Variants in PTPRS observed in about 807,000 individuals in gnomAD.
PTPRS encodes the protein receptor-type tyrosine-protein phosphatase S.
In PTPRS, 63 loss-of-function variants were observed where a neutral mutation model predicts 215.3. That is an observed-to-expected ratio of 0.29 (90% CI 0.24 to 0.36). The LOEUF (loss-of-function observed/expected upper bound fraction) is 0.36, where lower values mean the gene tolerates loss of function less well. PTPRS is among the 10% of genes least tolerant of loss of function. The pLI is 1.00. For missense variants in PTPRS, 2,258 were observed against 2,825.8 expected, an observed-to-expected ratio of 0.80 and a Z score of 4.56; for synonymous variants, 1,404 against 1,191.4, an observed-to-expected ratio of 1.18 and a Z score of -3.68.
Position 5,212,686 on chromosome 19 carries a change from A to C in PTPRS, c.4615-195T>G, listed in dbSNP as rs186563050. ...TGGAGAAACCTCGTCTCAACTAAAA[A>C]TACAAAATTAGCTAGGCATGGTGGT... On this transcript the variant is annotated intron_variant, in intron 30 of 37. Transcript: ENST00000262963. Among the ~76,000 whole-genome samples, 142 of 152,328 alleles carry C rather than the reference A, an allele frequency of 9.3e-4. 1 individual carries two copies. In the Middle Eastern group the frequency reaches 0.02, roughly 22 times the overall value.
At chr19:5,225,975 T>C in intron 16 of PTPRS, 131 bp from the exon 17 acceptor site, 1 of 715,410 alleles carries the variant, frequency 1.4e-6, no homozygotes. Context: ...GCACATGAGC[T>C]CATGCAGAGA....
chr19:5,267,546 C>A (rs1177902256), intron 4 of PTPRS, among the ~76,000 whole-genome samples: 5 of 151,770 alleles, frequency 3.3e-5, no homozygotes, highest in Admixed American at 1.3e-4. Flanking sequence ...AATCCCAGTT[C>A]CTTGGGAGGC....
chr19:5,219,808 T>G, intron 22 of PTPRS, 131 bp downstream of exon 22: 1 of 1,085,230 alleles, frequency 9.2e-7, no homozygotes, highest in Non-Finnish European at 1.3e-6. Context: ...CGCTCCCAAG[T>G]CTTCCCCTCT....
rs778759270 is a variant in PTPRS, at chr19:5,219,387, C to T, written c.3846G>A (p.Gly1282=). Residue 1282 remains glycine, a synonymous_variant, in exon 23 of 38, where the codon GGG becomes GGA. Coordinates refer to ENST00000262963, the MANE Select transcript of PTPRS (RefSeq NM_002850.4). ...GCACAGGCCCGATCACCCAGATAAG[C>T]CCCTCCTCGCCATCCACGATGGGCT... ...DPQPIVDGEE[G]LIWVIGPVLA... 2 of 1,613,794 alleles carry T rather than the reference C, an allele frequency of 1.2e-6. No individual in the cohort carries two copies. Among genetic ancestry groups the T allele is most frequent in the Non-Finnish European group, 1.7e-6 (2 of 1,179,882 alleles).
At chr19:5,223,583 G>T (rs1473863853) in intron 17 of PTPRS, among the ~76,000 whole-genome samples, 3 of 127,466 alleles carry the variant, frequency 2.4e-5, no homozygotes, top group African/African-American at 8.9e-5. Context: ...TTTTTTTTGA[G>T]ACAGAATCTT....
intron 9 of PTPRS, among the ~76,000 whole-genome samples, chr19:5,248,963 GC>G (rs2044754480): frequency 6.6e-6 from 1 of 152,244 alleles, no homozygotes; most frequent in Non-Finnish European, 1.5e-5. Context: ...CCTCCCAGGG[GC>G]TGGGACGATC....
At chr19:5,328,621 T>G (rs1396720392) in intron 1 of PTPRS, among the ~76,000 whole-genome samples, 1 of 152,122 alleles carries the variant, frequency 6.6e-6, no homozygotes, top group Non-Finnish European at 1.5e-5. Flanking sequence ...GCATTTCCGC[T>G]GGGAACCCAG....
At chr19:5,214,829 C>T (rs111764146) in intron 28 of PTPRS, 93 bp from the exon 29 acceptor site, 323 of 1,303,438 alleles carry the variant, frequency 2.5e-4, no homozygotes, top group African/African-American at 2.5e-3. Context: ...TCACTCTGAC[C>T]GCTCCCAGAT....
intron 13 of PTPRS, among the ~76,000 whole-genome samples, 198 bp from the exon 14 acceptor site, chr19:5,231,813 G>C (rs2043043366): frequency 6.7e-6 from 1 of 148,736 alleles, no homozygotes; most frequent in South Asian, 2.2e-4. Context: ...GGATGGGCGG[G>C]CAGGTGGGAT....
chr19:5,225,661 G>A, intron 17 of PTPRS, 66 bp downstream of exon 17: 7 of 1,367,582 alleles, frequency 5.1e-6, no homozygotes, highest in Non-Finnish European at 7.3e-6. Context: ...GGACTCTGGA[G>A]TCACGCTCTG....
intron 1 of PTPRS, among the ~76,000 whole-genome samples, chr19:5,307,530 C>T (rs959177306): frequency 1.3e-5 from 2 of 151,856 alleles, no homozygotes; most frequent in African/African-American, 4.8e-5. Context: ...GGGAAGAAAA[C>T]AAGGTACAGA....
At chr19:5,321,066 A>G (rs2050012287) in intron 1 of PTPRS, among the ~76,000 whole-genome samples, 1 of 152,108 alleles carries the variant, frequency 6.6e-6, no homozygotes, top group African/African-American at 2.4e-5. Flanking sequence ...GTTCGAGACC[A>G]GCCTGGACAA....
At chr19:5,260,180 CTTTTT>C (rs1169287515) in intron 7 of PTPRS, among the ~76,000 whole-genome samples, 1 of 135,900 alleles carries the variant, frequency 7.4e-6, no homozygotes, top group Non-Finnish European at 1.6e-5. Flanking sequence ...CGTTTTGTTT[CTTTTT>C]TTTTTTTTTT....
chr19:5,330,019 G>A (rs1466614008), intron 1 of PTPRS, among the ~76,000 whole-genome samples: 2 of 150,048 alleles, frequency 1.3e-5, no homozygotes, highest in South Asian at 2.1e-4. Flanking sequence ...GGAAGTTGCC[G>A]TGAGCCGAGA....
At chr19:5,310,103 G>C (rs1422707756) in intron 1 of PTPRS, among the ~76,000 whole-genome samples, 1 of 151,776 alleles carries the variant, frequency 6.6e-6, no homozygotes, top group Non-Finnish European at 1.5e-5. Flanking sequence ...CCTCCTCGCT[G>C]TTCCTCCAAC....
intron 7 of PTPRS, 37 bp downstream of exon 7, chr19:5,260,768 C>A (rs1350722377): frequency 3.7e-6 from 6 of 1,612,770 alleles, no homozygotes; most frequent in South Asian, 1.1e-5. Flanking sequence ...GCAGCAAGAG[C>A]GAGCGTGAGT....
rs551564773 is a variant in PTPRS, at chr19:5,269,799, T to C, written c.379+3643A>G. Among the ~76,000 whole-genome samples, 19 of 151,540 alleles carry C rather than the reference T, an allele frequency of 1.3e-4. No homozygotes were observed. The South Asian group carries it at 2.3e-3, about 18-fold the overall frequency. On this transcript the variant is annotated intron_variant, in intron 4 of 37. Transcript: ENST00000262963. The stretch of plus-strand genomic sequence containing the variant: ...AGCTGGGCGTGCTAGTGGGCGCCTA[T>C]AGTCCCAGCTACTCAGGAGGCTGAG...
rs145751069 is a variant in PTPRS, at chr19:5,218,500, C to T, written c.3968G>A (p.Cys1323Tyr). The T allele has an allele frequency of 3.0e-5, 49 of 1,614,008 alleles. No homozygotes were observed. The African/African-American group carries it at 6.1e-4, about 20-fold the overall frequency. The change falls in exon 25 of 38, where the codon TGC becomes TAC. Residue 1323 changes from cysteine to tyrosine, a missense_variant. By Grantham distance (194) the Cys-to-Tyr change is radical (BLOSUM62 -2). Transcript: ENST00000262963. The stretch of plus-strand genomic sequence containing the variant: ...GGCGAGGTCGGCATTGTTCAGGAGG[C>T]ATTTGGTGCGGGGTTCTGAGTCCTT... ...KRKDSEPRTK[C>Y]LLNNADLAPH... is the part of the protein sequence containing the mutation.
intron 1 of PTPRS, among the ~76,000 whole-genome samples, chr19:5,303,950 C>CAAAAAAAAAAAAATAAATAAAA (rs1555805672): frequency 1.0e-5 from 1 of 95,712 alleles, no homozygotes. Context: ...GACTCTGTCT[C>CAAAAAAAAAAAAATAAATAAAA]AAAAAATAAT....
Sources: allele counts gnomAD v4.1 joint callset (sites outside exome capture counted in the v4.1 genomes callset), GRCh38; gene constraint gnomAD v4.1.1; transcripts MANE v1.5; gene names NCBI Gene and HGNC (gene_info 2026-07-23, HGNC 2026-07-21).